The following FBXO31 variants were observed in gnomAD, a reference collection of about 807,000 sequenced individuals.
FBXO31 encodes F-box protein 31, also known as F-box only protein 31.
Under a neutral mutation model 54.4 loss-of-function variants are expected in FBXO31, and 24 were observed. That is an observed-to-expected ratio of 0.44 (90% CI 0.32 to 0.62). The LOEUF is 0.62. FBXO31 is among the 20% of genes least tolerant of loss of function. FBXO31 has a pLI of 0.05. For missense variants in FBXO31, 665 were observed against 787.1 expected, an observed-to-expected ratio of 0.84 and a Z score of 1.86; for synonymous variants, 388 against 335.6, an observed-to-expected ratio of 1.16 and a Z score of -1.71.
rs1905000505 is a variant in FBXO31 at position 87,335,042 on chromosome 16, G to T, written c.996+262C>A. On this transcript the variant is annotated intron_variant, in intron 7 of 8. Transcript: ENST00000311635. The surrounding 1 kb of genome is among the most constrained non-coding windows in gnomAD (Gnocchi z 5.7). ...CTAAACCCCACAGGGCTGCCAGGGT[G>T]GCCGGGGCTGAGCGGTGCTGTGGGA... 6.6e-6 allele frequency among the ~76,000 whole-genome samples: 1 copy of T among 152,242 alleles called. No individual in the cohort carries two copies. Among genetic ancestry groups the T allele is most frequent in the Non-Finnish European group, 1.5e-5 (1 of 68,028 alleles).
chr16:87,329,148 CA>C lies in FBXO31; in HGVS notation c.*2139del. The C allele has an allele frequency of 6.6e-6, 1 of 152,534 alleles. No individual in the cohort carries two copies. Among genetic ancestry groups the C allele is most frequent in the Non-Finnish European group, 1.5e-5 (1 of 68,204 alleles). The allele number at this position is 152,534 out of a possible 1,614,324, so 9.4% of individuals were successfully genotyped here. ...CGACTGAAGGGACTGGCTGTGCGGC[CA>C]AAAAGGCCTCCCTTTCCTGGCTGTG... On this transcript the variant is annotated 3_prime_UTR_variant, in exon 9 of 9. Coordinates refer to ENST00000311635, the MANE Select transcript of FBXO31 (RefSeq NM_024735.5).
intron 2 of FBXO31, among the ~76,000 whole-genome samples, chr16:87,351,333 A>T (rs1219570535): frequency 6.6e-6 from 1 of 152,148 alleles, no homozygotes; most frequent in African/African-American, 2.4e-5. Context: ...CACCATTTTT[A>T]TTATAAACAT....
At chr16:87,342,594 G>C (rs1283073269) in intron 5 of FBXO31, among the ~76,000 whole-genome samples, 1 of 152,204 alleles carries the variant, frequency 6.6e-6, no homozygotes, top group East Asian at 1.9e-4. Context: ...TCAGCAAGTG[G>C]ATGTGCCCGC....
At chr16:87,341,501 C>G (rs1485668695) in intron 5 of FBXO31, among the ~76,000 whole-genome samples, 1 of 151,760 alleles carries the variant, frequency 6.6e-6, no homozygotes, top group Non-Finnish European at 1.5e-5. Flanking sequence ...ACTAAAAATA[C>G]AAAAATTAGC....
chr16:87,329,139 C>G lies in FBXO31; in HGVS notation c.*2149G>C, dbSNP rs1171496251. ...CTGTAGTCACGACTGAAGGGACTGG[C>G]TGTGCGGCCAAAAAGGCCTCCCTTT... is the stretch of plus-strand genomic sequence containing the variant. On this transcript the variant is annotated 3_prime_UTR_variant, in exon 9 of 9. Transcript: ENST00000311635. 1 of 152,444 alleles carries G rather than the reference C, an allele frequency of 6.6e-6. No individual in the cohort carries two copies. Among genetic ancestry groups the G allele is most frequent in the Non-Finnish European group, 1.5e-5 (1 of 68,216 alleles). 9.4% of individuals were successfully genotyped at this position (152,444 alleles called of 1,614,324 possible).
At chr16:87,364,250 A>C (rs984532400) in intron 1 of FBXO31, among the ~76,000 whole-genome samples, 1 of 152,244 alleles carries the variant, frequency 6.6e-6, no homozygotes, top group Non-Finnish European at 1.5e-5. Context: ...ACCGCACAGG[A>C]GGGCTGACCC....
rs1904840562 is a variant in FBXO31, at chr16:87,331,170, G to T, written c.*118C>A. The T allele has an allele frequency of 3.5e-5, 34 of 961,448 alleles. No individual in the cohort carries two copies. In the South Asian group the frequency reaches 5.4e-4, roughly 15 times the overall value. The allele number at this position is 961,448 out of a possible 1,614,324, so 59.6% of individuals were successfully genotyped here. ...GGGGGGTGGCTGGACTGGGCCCCCC[G>T]ACGAGGTGTGCGTTCTGGTCAAAAG... On this transcript the variant is annotated 3_prime_UTR_variant, in exon 9 of 9. Coordinates refer to ENST00000311635, the MANE Select transcript of FBXO31 (RefSeq NM_024735.5).
At chr16:87,383,780 C>T, upstream of FBXO31, 2 of 1,175,830 alleles carry the variant, frequency 1.7e-6, no homozygotes, top group East Asian at 7.8e-5. The surrounding 1 kb of genome is among the most constrained non-coding windows in gnomAD (Gnocchi z 4.9). Context: ...CGCCTGTGCG[C>T]ACGCTCCAGC....
intron 3 of FBXO31, among the ~76,000 whole-genome samples, chr16:87,344,855 T>C (rs2150675398): frequency 6.6e-6 from 1 of 152,118 alleles, no homozygotes; most frequent in South Asian, 2.1e-4. Context: ...AAACCCCACC[T>C]GGGGGCAAAA....
upstream of FBXO31, among the ~76,000 whole-genome samples, chr16:87,386,440 T>G (rs1005432490): frequency 2.6e-5 from 4 of 152,168 alleles, no homozygotes; most frequent in Non-Finnish European, 2.9e-5. Flanking sequence ...ATTTATGTAT[T>G]TATTTATTTA....
At chr16:87,390,648 A>G (rs182109044), upstream of FBXO31, among the ~76,000 whole-genome samples, 730 of 151,940 alleles carry the variant, frequency 4.8e-3, 4 homozygotes, top group Non-Finnish European at 7.9e-3. Flanking sequence ...CGCCATGTTG[A>G]CCAGGCTGGT....
At position 87,344,726 on chromosome 16, in the gene FBXO31, C is replaced by G. The variant is rs540316281; in HGVS notation, c.490-961G>C. On this transcript the variant is annotated intron_variant, in intron 3 of 8. Transcript: ENST00000311635. ...AAAAGAAAGGAAAGCAATCTGCCCA[C>G]CCTGTGAGCTGCCGGGCTGGTCTCT... is the stretch of plus-strand genomic sequence containing the variant. Among the ~76,000 whole-genome samples the G allele has an allele frequency of 5.3e-5, 8 of 152,278 alleles. No homozygotes were observed. The South Asian group carries it at 1.7e-3, about 32-fold the overall frequency.
intron 2 of FBXO31, among the ~76,000 whole-genome samples, chr16:87,354,569 A>G (rs1326856641): frequency 6.6e-6 from 1 of 151,554 alleles, no homozygotes; most frequent in Non-Finnish European, 1.5e-5. Flanking sequence ...TCCCCTTAAC[A>G]CTCCCAACAC....
At position 87,360,347 on chromosome 16, in the gene FBXO31, G is replaced by A; in HGVS notation, c.360C>T (p.Asn120=). ...RCREEYGVCE[N]LRKLEITGVS... ...CGCCTGTGATCTCCAGCTTCCGCAA[G>A]TTTTCGCAAACACCATACTCTGTAA... Residue 120 remains asparagine (N), a synonymous_variant, in exon 2 of 9, where the codon AAC becomes AAT. Transcript: ENST00000311635. 6.2e-7 allele frequency: 1 copy of A among 1,614,160 alleles called. No homozygotes were observed. Among genetic ancestry groups the A allele is most frequent in the Non-Finnish European group, 8.5e-7 (1 of 1,180,034 alleles).
rs1905113272 is a variant in FBXO31 at position 87,338,980 on chromosome 16, C to G, written c.733-2716G>C. The stretch of plus-strand genomic sequence containing the variant: ...TGCAATGGTTTTATAAAGGGGAGTT[C>G]CCCTGCACAAGTTCTCTCTTTTTTT... On this transcript the variant is annotated intron_variant, in intron 5 of 8. Transcript: ENST00000311635. This position sits in a 1 kb window ranked among gnomAD's most constrained non-coding sequence, Gnocchi z 4.3. 6.6e-6 allele frequency among the ~76,000 whole-genome samples: 1 copy of G among 152,168 alleles called. No individual in the cohort carries two copies. The highest frequency in any genetic ancestry group is 1.5e-5 in the Non-Finnish European group (1 of 68,036).
At chr16:87,382,138 T>C (rs1907105369) in intron 1 of FBXO31, among the ~76,000 whole-genome samples, 1 of 151,894 alleles carries the variant, frequency 6.6e-6, no homozygotes, top group Admixed American at 6.6e-5. Flanking sequence ...CAAAGCACTG[T>C]TTATGCATGG....
chr16:87,333,420 G>A (rs931963226), intron 8 of FBXO31, among the ~76,000 whole-genome samples: 3 of 152,232 alleles, frequency 2.0e-5, no homozygotes, highest in African/African-American at 7.2e-5. Context: ...GATGGCCAAA[G>A]GTGACCGGCA....
In FBXO31 at chr16:87,345,445, C is replaced by T. The variant is rs570241824; in HGVS notation, c.490-1680G>A. Among the ~76,000 whole-genome samples, 106 of 152,292 alleles carry T rather than the reference C, an allele frequency of 7.0e-4. 1 individual carries two copies. Among genetic ancestry groups the T allele is most frequent in the African/African-American group, 2.4e-3 (100 of 41,554 alleles). ...AGCCCGCAGAGCACCACCTCCTCAC[C>T]CCACAGGGACACCTGCAAATACCAA... On this transcript the variant is annotated intron_variant, in intron 3 of 8. Transcript: ENST00000311635. This position sits in a 1 kb window ranked among gnomAD's most constrained non-coding sequence, Gnocchi z 4.9.
rs1191221418 is a variant in FBXO31 at position 87,345,863 on chromosome 16, C to A, written c.489+1311G>T. ...GGCACCTGCAGGCTGGAGAGGCACA[C>A]ACGGAGACCAGGTCTACACAGGAGC... On this transcript the variant is annotated intron_variant, in intron 3 of 8. Coordinates refer to ENST00000311635, the MANE Select transcript of FBXO31 (RefSeq NM_024735.5). The surrounding 1 kb of genome is among the most constrained non-coding windows in gnomAD (Gnocchi z 4.9). 1.3e-5 allele frequency among the ~76,000 whole-genome samples: 2 copies of A among 152,096 alleles called. No homozygotes were observed. Among genetic ancestry groups the A allele is most frequent in the African/African-American group, 2.4e-5 (1 of 41,412 alleles).
Sources: allele counts gnomAD v4.1 joint callset (sites outside exome capture counted in the v4.1 genomes callset), GRCh38; gene constraint gnomAD v4.1.1; non-coding constraint Gnocchi (gnomAD v3.1); transcripts MANE v1.5; gene names NCBI Gene and HGNC (gene_info 2026-07-23, HGNC 2026-07-21).